The following BOD1L1 variants were observed in gnomAD, a reference collection of about 807,000 sequenced individuals.
BOD1L1 encodes biorientation of chromosomes in cell division 1 like 1.
BOD1L1 carries 86 observed loss-of-function variants against 240.7 expected under a neutral mutation model. The observed-to-expected ratio is 0.36, with a 90% CI of 0.30 to 0.43. The LOEUF (loss-of-function observed/expected upper bound fraction) is 0.43, where lower values mean the gene tolerates loss of function less well. Ranked by LOEUF, BOD1L1 falls within the 20% of genes least tolerant of loss-of-function variation. The pLI is 1.00. For missense variants in BOD1L1, 3,554 were observed against 3,643.5 expected (o/e 0.98, Z 0.63); for synonymous variants, 1,268 against 1,272.3 (o/e 1.00, Z 0.07).
Position 13,573,507 on chromosome 4 carries a change from C to CTCTA in BOD1L1, c.9038+3327_9038+3330dup, listed in dbSNP as rs1304587901. Among the ~76,000 whole-genome samples the CTCTA allele has an allele frequency of 2.1e-4, 21 of 100,294 alleles. 2 individuals are homozygous for CTCTA. The highest frequency in any genetic ancestry group is 2.7e-4 in the African/African-American group (9 of 33,774). 65.8% of individuals were successfully genotyped at this position (100,294 alleles called of 152,430 possible). A position where few individuals can be genotyped will look rare whatever the true frequency, so the allele number is the denominator to read the frequency against. ...TTCTTTCTTTCTTTTGAGAAAGAGC[C>CTCTA]TCTATCTATCTATCTTTCTTTCTTT... On this transcript the variant is annotated intron_variant, in intron 25 of 25. Coordinates refer to ENST00000040738, the MANE Select transcript of BOD1L1 (RefSeq NM_148894.3).
chr4:13,618,975 G>T (rs1271670380), intron 2 of BOD1L1, among the ~76,000 whole-genome samples: 1 of 151,142 alleles, frequency 6.6e-6, no homozygotes. Flanking sequence ...CCCTTTTTTT[G>T]AGGGGTATAG....
At chr4:13,615,620 G>T in intron 2 of BOD1L1, 118 bp from the exon 3 acceptor site, 2 of 972,064 alleles carry the variant, frequency 2.1e-6, no homozygotes, top group Non-Finnish European at 2.9e-6. Context: ...ACCTTAAATT[G>T]TCCCAATCCA....
intron 18 of BOD1L1, among the ~76,000 whole-genome samples, 157 bp from the exon 19 acceptor site, chr4:13,582,467 G>C (rs1713312424): frequency 6.6e-6 from 1 of 152,164 alleles, no homozygotes; most frequent in Non-Finnish European, 1.5e-5. Context: ...TGGGTGACTA[G>C]TAAACAGCAC....
At position 13,603,282 on chromosome 4, in the gene BOD1L1, T is replaced by A. The variant is rs1352116267; in HGVS notation, c.3618A>T (p.Lys1206Asn). The change falls in exon 10 of 26, where the codon AAA (lysine) becomes AAT (asparagine). Residue 1206 changes from lysine to asparagine, a missense_variant. Around this residue, in one of 2 missense-constraint regions of BOD1L1, gnomAD observed 3,393 missense variants for 3,427.1 expected, o/e 0.99. Transcript: ENST00000040738. ...TGGACACAGCACTTTGTATATGCAT[T>A]TTCTTGGTCAAGGTGCTTCTATGAT... is the stretch of plus-strand genomic sequence containing the variant. ...HADHRSTLTKKMHIQSAVSKM... is the reference protein window; with the variant it reads ...HADHRSTLTKNMHIQSAVSKM... 1.2e-6 allele frequency: 2 copies of A among 1,613,986 alleles called. No individual in the cohort carries two copies. Among genetic ancestry groups the A allele is most frequent in the South Asian group, 2.2e-5 (2 of 91,078 alleles).
At chr4:13,611,428 G>A (rs1716165328) in intron 5 of BOD1L1, among the ~76,000 whole-genome samples, 1 of 152,220 alleles carries the variant, frequency 6.6e-6, no homozygotes, top group Non-Finnish European at 1.5e-5. Flanking sequence ...GAGGTTCTGA[G>A]AGCTCTGCTT....
At position 13,582,317 on chromosome 4, in the gene BOD1L1, A is replaced by G. The variant is rs755770417; in HGVS notation, c.8519-7T>C. 5 of 1,611,302 alleles carry G rather than the reference A, an allele frequency of 3.1e-6. No homozygotes were observed. The Admixed American group carries it at 8.4e-5, about 27-fold the overall frequency. ...TCACTGCTGCTATATTCATCTGTAG[A>G]AAAGGAAGAACTTTGTTCAATGCTA... On this transcript the variant is annotated splice_region_variant and splice_polypyrimidine_tract_variant and intron_variant, in intron 18 of 25. Coordinates refer to ENST00000040738, the MANE Select transcript of BOD1L1 (RefSeq NM_148894.3).
intron 17 of BOD1L1, among the ~76,000 whole-genome samples, chr4:13,584,439 AGAGT>A (rs778571408): frequency 3.1e-4 from 37 of 118,376 alleles, no homozygotes; most frequent in Admixed American, 8.3e-4. Context: ...AAAGAGAGAG[AGAGT>A]GTGTGTGTGT....
In BOD1L1 at chr4:13,577,370, A is replaced by G. The variant is rs187985411; in HGVS notation, c.8884+33T>C. The G allele has an allele frequency of 6.0e-4, 960 of 1,596,404 alleles. 2 individuals are homozygous for G. The African/African-American group carries it at 7.4e-3, about 12-fold the overall frequency. On this transcript the variant is annotated intron_variant, in intron 24 of 25. Coordinates refer to ENST00000040738, the MANE Select transcript of BOD1L1 (RefSeq NM_148894.3). ...TCTTTAAAAAGGTGGTTTTGAAACA[A>G]TAAGACTTATTAAGAATTTGCTAGA...
Position 13,603,870 on chromosome 4 carries a change from G to C in BOD1L1, c.3030C>G (p.Thr1010=). 1 of 1,613,596 alleles carries C rather than the reference G, an allele frequency of 6.2e-7. No individual in the cohort carries two copies. The highest frequency in any genetic ancestry group is 1.1e-5 in the South Asian group (1 of 91,074). The change falls in exon 10 of 26, where the codon ACC becomes ACG. Residue 1010 remains threonine (T), a synonymous_variant. Coordinates refer to ENST00000040738, the MANE Select transcript of BOD1L1 (RefSeq NM_148894.3). ...CATCTGACAACTTTCTCTCAAGCCT[G>C]GTGGAAGTGGAGTCTTTATCACTCT... is the stretch of plus-strand genomic sequence containing the variant. The part of the protein sequence containing the change: ...KYKSDKDSTS[T]RLERKLSDGH...
At chr4:13,623,172 CT>C (rs1560221810) in intron 1 of BOD1L1, among the ~76,000 whole-genome samples, 4 of 152,050 alleles carry the variant, frequency 2.6e-5, no homozygotes. Context: ...CCATACATTA[CT>C]TGTTGTCTAT....
chr4:13,605,685 G>A (rs1715632696), intron 9 of BOD1L1, among the ~76,000 whole-genome samples: 1 of 151,812 alleles, frequency 6.6e-6, no homozygotes, highest in African/African-American at 2.4e-5. Context: ...AATACATGAA[G>A]GCAATTTAAA....
intron 1 of BOD1L1, among the ~76,000 whole-genome samples, chr4:13,627,062 C>CAACA (rs1456053715): frequency 2.6e-5 from 4 of 152,240 alleles, no homozygotes; most frequent in Non-Finnish European, 5.9e-5. Flanking sequence ...AAACTGGCTA[C>CAACA]TGTTAGCGCC....
chr4:13,583,258 CT>C (rs1713381937), intron 17 of BOD1L1, among the ~76,000 whole-genome samples: 1 of 151,952 alleles, frequency 6.6e-6, no homozygotes, highest in Non-Finnish European at 1.5e-5. Context: ...AATGTTTCAA[CT>C]ATAATACTAA....
intron 14 of BOD1L1, among the ~76,000 whole-genome samples, chr4:13,589,611 T>C (rs1341118591): frequency 1.3e-5 from 2 of 152,286 alleles, no homozygotes; most frequent in African/African-American, 2.4e-5. Context: ...ATATAATTAA[T>C]GCAGAATAGT....
In BOD1L1 at chr4:13,600,142, C is replaced by T; in HGVS notation, c.6758G>A (p.Ser2253Asn). ...AGTVMEEKDG[S>N]GIISTSSVED... ...CACCGAGCTCGTAGAGATGATGCCA[C>T]TCCCGTCTTTTTCTTCCATGACTGT... The change falls in exon 10 of 26, where the codon AGT becomes AAT. Residue 2253 changes from serine to asparagine, a missense_variant. Transcript: ENST00000040738. 1 of 1,614,006 alleles carries T rather than the reference C, an allele frequency of 6.2e-7. No homozygotes were observed. The highest frequency in any genetic ancestry group is 8.5e-7 in the Non-Finnish European group (1 of 1,179,898).
At chr4:13,614,906 C>T in intron 3 of BOD1L1, 96 bp from the exon 4 acceptor site, 1 of 1,274,030 alleles carries the variant, frequency 7.8e-7, no homozygotes, top group East Asian at 2.5e-5. Context: ...TTATATGATG[C>T]ATATGCTGTG....
In BOD1L1 at chr4:13,597,116, G is replaced by C. The variant is rs772971578; in HGVS notation, c.8007C>G (p.Asn2669Lys). 7.1e-5 allele frequency: 113 copies of C among 1,591,694 alleles called. No individual in the cohort carries two copies. The East Asian group carries it at 2.4e-3, about 34-fold the overall frequency. Residue 2669 changes from asparagine (N) to lysine (K), a missense_variant, in exon 11 of 26, where the codon AAC (asparagine) becomes AAG (lysine). Coordinates refer to ENST00000040738, the MANE Select transcript of BOD1L1 (RefSeq NM_148894.3). ...NVLGGLKLKA[N>K]LKMEAYVPSE... ...TTATAAGCCATACCTCCATTTTCAAGTTGGCTTTCAGTTTCAATCCTCCCA... is the reference window on the plus strand; with the variant it reads ...TTATAAGCCATACCTCCATTTTCAACTTGGCTTTCAGTTTCAATCCTCCCA...
At position 13,613,397 on chromosome 4, in the gene BOD1L1, CA is replaced by C; in HGVS notation, c.1324+114del. On this transcript the variant is annotated intron_variant, in intron 5 of 25. Coordinates refer to ENST00000040738, the MANE Select transcript of BOD1L1 (RefSeq NM_148894.3). The surrounding 1 kb of genome is among the most constrained non-coding windows in gnomAD (Gnocchi z 4.0). Reference sequence around the variant, plus strand: ...GACTCAGAAACAAATCTTCCAACTACAAAATCCCATGCTCTTGCTACTATAC... The same window carrying C: ...GACTCAGAAACAAATCTTCCAACTACAAATCCCATGCTCTTGCTACTATAC... 1 of 1,031,636 alleles carries C rather than the reference CA, an allele frequency of 9.7e-7. No homozygotes were observed. Among genetic ancestry groups the C allele is most frequent in the Admixed American group, 2.7e-5 (1 of 37,408 alleles). 63.9% of individuals were successfully genotyped at this position (1,031,636 alleles called of 1,614,324 possible).
rs767500370 is a variant in BOD1L1 at position 13,603,013 on chromosome 4, T to C, written c.3887A>G (p.Tyr1296Cys). The change falls in exon 10 of 26, where the codon TAT (tyrosine) becomes TGT (cysteine). Residue 1296 changes from tyrosine to cysteine, a missense_variant. Coordinates refer to ENST00000040738, the MANE Select transcript of BOD1L1 (RefSeq NM_148894.3). Reference protein sequence around the residue: ...SVTVVPLRESYDPDVIPLFDK... With the variant: ...SVTVVPLRESCDPDVIPLFDK... ...AAACAGAGGAATTACATCTGGATCA[T>C]ACGATTCCCTCAGAGGCACAACAGT... is the stretch of plus-strand genomic sequence containing the variant. 2 of 1,614,028 alleles carry C rather than the reference T, an allele frequency of 1.2e-6. No individual in the cohort carries two copies. The highest frequency in any genetic ancestry group is 1.7e-6 in the Non-Finnish European group (2 of 1,179,882).
Sources: gnomAD v4.1 joint callset for allele counts (sites outside exome capture counted in the v4.1 genomes callset) on GRCh38, gnomAD v4.1.1 for gene constraint, gnomAD v4.1.1 regional missense constraint, Gnocchi (gnomAD v3.1) non-coding constraint, MANE v1.5 for transcripts, NCBI Gene and HGNC (gene_info 2026-07-23, HGNC 2026-07-21) for gene names.